SLC39A11: variants seen among roughly 807,000 people sequenced by gnomAD.
SLC39A11 encodes zinc transporter ZIP11.
SLC39A11 carries 33 observed loss-of-function variants against 36.1 expected under a neutral mutation model. The ratio of observed to expected loss-of-function variants is 0.91; its 90% CI spans 0.69 to 1.22. The LOEUF (loss-of-function observed/expected upper bound fraction) is 1.22, where lower values mean the gene tolerates loss of function less well. Ranked by LOEUF, SLC39A11 falls within the 50% of genes most tolerant of loss-of-function variation. SLC39A11 has a pLI of 0.00. For missense variants in SLC39A11, 432 were observed against 430.3 expected, an observed-to-expected ratio of 1.00 and a Z score of -0.03; for synonymous variants, 166 against 170.3, an observed-to-expected ratio of 0.97 and a Z score of 0.20.
rs151108592 is a variant in SLC39A11, at chr17:72,966,477, C to T, written c.307-18602G>A. Among the ~76,000 whole-genome samples, 351 of 152,250 alleles carry T rather than the reference C, an allele frequency of 2.3e-3. 1 individual carries two copies. The highest frequency in any genetic ancestry group is 3.3e-3 in the Admixed American group (51 of 15,288). The stretch of plus-strand genomic sequence containing the variant: ...TTAACAGATCTTCTAGGGCAGGGGT[C>T]CCCAATCCCCAGGTCACAAACCGGG... On this transcript the variant is annotated intron_variant, in intron 4 of 9. Coordinates refer to ENST00000255559, the MANE Select transcript of SLC39A11 (RefSeq NM_139177.4).
rs187659311 is a variant in SLC39A11, at chr17:72,804,954, T to G, written c.601+44680A>C. 5.5e-3 allele frequency among the ~76,000 whole-genome samples: 830 copies of G among 152,128 alleles called. 13 individuals are homozygous for G. The highest frequency in any genetic ancestry group is 0.019 in the African/African-American group (775 of 41,484). On this transcript the variant is annotated intron_variant, in intron 6 of 9. Transcript: ENST00000255559. ...TCACTTGAACCCGGGAGGCGAAGGT[T>G]GCAGTGAGCCGAGATCATGCCACTG...
chr17:72,976,942 G>A (rs957193126), intron 4 of SLC39A11, among the ~76,000 whole-genome samples: 37 of 152,176 alleles, frequency 2.4e-4, no homozygotes, highest in Non-Finnish European at 1.3e-4. Flanking sequence ...GGAGTGGTGG[G>A]AATTTCTAAC....
intron 7 of SLC39A11, among the ~76,000 whole-genome samples, chr17:72,662,618 A>G (rs2070505645): frequency 6.8e-6 from 1 of 146,828 alleles, no homozygotes; most frequent in Admixed American, 6.8e-5. Context: ...AAGGAAGGAG[A>G]GAAGAAAGAG....
intron 3 of SLC39A11, among the ~76,000 whole-genome samples, chr17:73,076,996 A>T (rs1353310289): frequency 6.6e-6 from 1 of 151,778 alleles, no homozygotes; most frequent in Non-Finnish European, 1.5e-5. Flanking sequence ...CCCACTAGAT[A>T]CCCACGTGGC....
At chr17:72,849,349 T>C (rs1271713260) in intron 6 of SLC39A11, among the ~76,000 whole-genome samples, 1 of 152,232 alleles carries the variant, frequency 6.6e-6, no homozygotes. Context: ...ACAGCAATCA[T>C]GTAACAGTTA....
At chr17:72,674,986 ATGTGTGTG>A (rs10684358) in intron 7 of SLC39A11, among the ~76,000 whole-genome samples, 1 of 150,318 alleles carries the variant, frequency 6.7e-6, no homozygotes, top group Admixed American at 6.6e-5. Context: ...GTGTGTGCGT[ATGTGTGTG>A]TGTGTGTGTG....
chr17:72,724,577 G>C (rs2073845424), intron 7 of SLC39A11, among the ~76,000 whole-genome samples: 2 of 152,084 alleles, frequency 1.3e-5, no homozygotes, highest in Admixed American at 1.3e-4. Flanking sequence ...AGCTCTTAGA[G>C]GGGAGGAAAG....
chr17:72,802,865 A>G (rs1411869844), intron 6 of SLC39A11, among the ~76,000 whole-genome samples: 1 of 152,138 alleles, frequency 6.6e-6, no homozygotes, highest in Non-Finnish European at 1.5e-5. Flanking sequence ...GGAATGTGTC[A>G]AAACTATGGA....
chr17:72,750,715 C>T (rs2075123813), intron 6 of SLC39A11, among the ~76,000 whole-genome samples: 2 of 152,082 alleles, frequency 1.3e-5, no homozygotes, highest in South Asian at 4.2e-4. Flanking sequence ...AGGCATCATA[C>T]CACAACGTAT....
intron 5 of SLC39A11, among the ~76,000 whole-genome samples, chr17:72,913,248 G>A (rs2083131331): frequency 6.6e-6 from 1 of 152,044 alleles, no homozygotes; most frequent in Non-Finnish European, 1.5e-5. Context: ...ATCTTTATAA[G>A]CTGAATGAAA....
At chr17:72,908,852 A>T (rs1272487830) in intron 5 of SLC39A11, among the ~76,000 whole-genome samples, 1 of 152,204 alleles carries the variant, frequency 6.6e-6, no homozygotes, top group Admixed American at 6.5e-5. Context: ...CAGTCAAACA[A>T]GGATGCTGGC....
chr17:72,734,372 T>G (rs2074340870), intron 7 of SLC39A11, among the ~76,000 whole-genome samples: 1 of 152,196 alleles, frequency 6.6e-6, no homozygotes, highest in Admixed American at 6.5e-5. Flanking sequence ...GCCCCAGTAC[T>G]CTGTGGACAT....
intron 4 of SLC39A11, among the ~76,000 whole-genome samples, chr17:72,967,295 T>A (rs547930751): frequency 6.6e-6 from 1 of 151,772 alleles, no homozygotes; most frequent in Admixed American, 6.6e-5. Context: ...GGGACTACTA[T>A]GCTAGAGTGA....
chr17:73,031,459 A>G (rs2058735628), intron 4 of SLC39A11, 97 bp downstream of exon 4: 18 of 1,320,606 alleles, frequency 1.4e-5, no homozygotes, highest in Non-Finnish European at 1.9e-5. Context: ...TACTTAACAG[A>G]GACATTAACA....
chr17:72,932,717 A>G (rs1209086980), intron 5 of SLC39A11, among the ~76,000 whole-genome samples: 45 of 151,936 alleles, frequency 3.0e-4, no homozygotes, highest in Non-Finnish European at 1.0e-4. Flanking sequence ...CAAACAGAAT[A>G]ACAACTAACA....
intron 7 of SLC39A11, among the ~76,000 whole-genome samples, chr17:72,697,327 C>T (rs758115059): frequency 6.6e-5 from 10 of 152,212 alleles, no homozygotes; most frequent in Non-Finnish European, 7.3e-5. Flanking sequence ...AAGTGATCTG[C>T]CCACCTTGGC....
intron 1 of SLC39A11, chr17:73,089,843 T>G (rs2060867608): frequency 6.6e-6 from 1 of 152,160 alleles, no homozygotes; most frequent in Non-Finnish European, 1.5e-5. Flanking sequence ...GAAGTACCAC[T>G]CCCTCTCATT....
chr17:73,040,743 G>C (rs2059077661), intron 3 of SLC39A11, among the ~76,000 whole-genome samples: 1 of 152,124 alleles, frequency 6.6e-6, no homozygotes, highest in Non-Finnish European at 1.5e-5. Flanking sequence ...CCAGCACTTT[G>C]GGAGGCTGAG....
At chr17:72,972,103 G>A (rs140481228) in intron 4 of SLC39A11, among the ~76,000 whole-genome samples, 1 of 152,298 alleles carries the variant, frequency 6.6e-6, no homozygotes, top group Non-Finnish European at 1.5e-5. Flanking sequence ...AAGAAAAACG[G>A]TCTCAACGTT....
Sources: gnomAD v4.1 joint callset for allele counts (sites outside exome capture counted in the v4.1 genomes callset) on GRCh38, gnomAD v4.1.1 for gene constraint, MANE v1.5 for transcripts, NCBI Gene and HGNC (gene_info 2026-07-23, HGNC 2026-07-21) for gene names.